The following SYT1 variants were observed in gnomAD, a reference collection of about 807,000 sequenced individuals.
SYT1 encodes the protein synaptotagmin-1.
A neutral mutation model predicts 44.8 loss-of-function variants in SYT1; 8 were observed. The observed-to-expected ratio is 0.18, with a 90% CI of 0.10 to 0.32. SYT1 has a LOEUF of 0.32. SYT1 is among the 10% of genes least tolerant of loss of function. The pLI, the probability that SYT1 is intolerant of heterozygous loss-of-function variation, is 1.00. For synonymous variants in SYT1, 154 were observed against 188.8 expected (o/e 0.82, Z 1.51); for missense variants, 286 against 509.3 (o/e 0.56, Z 4.22).
chr12:78,871,770 G>A (rs1050444470), intron 1 of SYT1, among the ~76,000 whole-genome samples: 7 of 151,702 alleles, frequency 4.6e-5, no homozygotes, highest in Admixed American at 6.6e-5. Context: ...AGTTTACAAG[G>A]CTGGCTTTCT....
In SYT1 at chr12:79,173,006, AG is replaced by A. The variant is rs748815857; in HGVS notation, c.-17-44494del. ...AAAAAAAAAAAAAAAAAAAAAAAAA[AG>A]GGAGTTTGGCCTGTCCAGAAATAAA... On this transcript the variant is annotated intron_variant, in intron 3 of 10. Coordinates refer to ENST00000261205, the MANE Select transcript of SYT1 (RefSeq NM_005639.3). Among the ~76,000 whole-genome samples the A allele has an allele frequency of 4.3e-4, 59 of 137,418 alleles. 3 individuals carry two copies. Among genetic ancestry groups the A allele is most frequent in the African/African-American group, 1.5e-3 (51 of 33,114 alleles). The allele number at this position is 137,418 out of a possible 152,430, so 90.2% of individuals were successfully genotyped here.
In SYT1 at chr12:79,451,292, T is replaced by C. The variant is rs1871045778; in HGVS notation, c.*2168T>C. The C allele has an allele frequency of 6.6e-6, 1 of 152,064 alleles. No individual in the cohort carries two copies. Among genetic ancestry groups the C allele is most frequent in the Non-Finnish European group, 1.5e-5 (1 of 67,998 alleles). The allele number at this position is 152,064 out of a possible 1,614,324, so 9.4% of individuals were successfully genotyped here. A position where few individuals can be genotyped will look rare whatever the true frequency, so the allele number is the denominator to read the frequency against. On this transcript the variant is annotated 3_prime_UTR_variant, in exon 11 of 11. Transcript: ENST00000261205. ...CTTAAAAAACATAGGTAATAGAAAA[T>C]ATACACAAGTCAGAATGTGAAATTA... is the stretch of plus-strand genomic sequence containing the variant.
chr12:79,039,654 G>C (rs980457801), intron 2 of SYT1, among the ~76,000 whole-genome samples: 13 of 146,948 alleles, frequency 8.8e-5, no homozygotes, highest in African/African-American at 3.3e-4. Context: ...TAAGTTTTAG[G>C]GTACATGTGC....
intron 3 of SYT1, among the ~76,000 whole-genome samples, chr12:79,100,836 T>G (rs542076309): frequency 6.6e-6 from 1 of 152,224 alleles, no homozygotes; most frequent in South Asian, 2.1e-4. Flanking sequence ...ATAATAACTG[T>G]TTTTTAAAAA....
chr12:79,380,123 G>T (rs2136069985), intron 9 of SYT1, among the ~76,000 whole-genome samples: 1 of 152,222 alleles, frequency 6.6e-6, no homozygotes, highest in African/African-American at 2.4e-5. Context: ...ATTAACCAGA[G>T]ATTTTAAAGC....
At chr12:79,064,556 T>G (rs1040303973) in intron 3 of SYT1, among the ~76,000 whole-genome samples, 6 of 152,090 alleles carry the variant, frequency 3.9e-5, no homozygotes, top group African/African-American at 1.4e-4. Flanking sequence ...GCTTACTCCT[T>G]AGCTAATGAA....
At chr12:79,341,588 G>A (rs550853029) in intron 8 of SYT1, among the ~76,000 whole-genome samples, 13 of 151,676 alleles carry the variant, frequency 8.6e-5, no homozygotes, top group South Asian at 2.1e-4. Flanking sequence ...GAAGAAGAGC[G>A]TGGACTTTTG....
intron 1 of SYT1, among the ~76,000 whole-genome samples, chr12:78,931,238 A>AGGAAGGAAGGAAGGAAG (rs1187572734): frequency 2.4e-5 from 1 of 41,120 alleles, no homozygotes; most frequent in African/African-American, 1.1e-4. Context: ...AAAGAAAGAA[A>AGGAAGGAAGGAAGGAAG]GAAGGAAGGA....
chr12:79,143,376 T>C (rs2138223900), intron 3 of SYT1, among the ~76,000 whole-genome samples: 1 of 152,350 alleles, frequency 6.6e-6, no homozygotes, highest in African/African-American at 2.4e-5. Context: ...CTGGTAACTT[T>C]CACTGGTTTA....
chr12:79,140,348 G>T (rs574115486), intron 3 of SYT1, among the ~76,000 whole-genome samples: 39 of 152,020 alleles, frequency 2.6e-4, no homozygotes, highest in Non-Finnish European at 4.7e-4. Flanking sequence ...CTGCGTATCT[G>T]CCTTTAGAAT....
chr12:79,278,947 C>G (rs919188776), intron 4 of SYT1, among the ~76,000 whole-genome samples: 2 of 150,872 alleles, frequency 1.3e-5, no homozygotes, highest in African/African-American at 4.9e-5. Context: ...CCCCCCAAGC[C>G]TGAATCAGGA....
chr12:79,426,228 GAAGGCA>G (rs1869441029), intron 9 of SYT1, among the ~76,000 whole-genome samples: 1 of 152,102 alleles, frequency 6.6e-6, no homozygotes, highest in African/African-American at 2.4e-5. Context: ...AATGGATTTG[GAAGGCA>G]AATCATGAGC....
intron 10 of SYT1, 87 bp downstream of exon 10, chr12:79,444,293 G>A: frequency 2.7e-6 from 4 of 1,475,964 alleles, no homozygotes; most frequent in Non-Finnish European, 3.7e-6. Flanking sequence ...TAAGTTATCA[G>A]TGCACATGCC....
At chr12:79,083,128 A>G (rs1877148712) in intron 3 of SYT1, among the ~76,000 whole-genome samples, 1 of 152,176 alleles carries the variant, frequency 6.6e-6, no homozygotes, top group African/African-American at 2.4e-5. Context: ...AGATAACATC[A>G]GATATTTCAT....
chr12:79,360,738 A>G (rs1445772767), intron 9 of SYT1, among the ~76,000 whole-genome samples: 2 of 152,246 alleles, frequency 1.3e-5, no homozygotes, highest in Non-Finnish European at 2.9e-5. Flanking sequence ...TATAATATCA[A>G]TTCTGGGATA....
intron 8 of SYT1, among the ~76,000 whole-genome samples, chr12:79,336,229 C>T (rs1193832873): frequency 6.6e-6 from 1 of 152,138 alleles, no homozygotes; most frequent in East Asian, 1.9e-4. Flanking sequence ...AATTAGGGTC[C>T]TGCCACATAG....
chr12:79,352,338 C>T (rs1444983485), intron 8 of SYT1, among the ~76,000 whole-genome samples: 2 of 152,076 alleles, frequency 1.3e-5, no homozygotes, highest in African/African-American at 2.4e-5. Flanking sequence ...AAGGGTATTA[C>T]TTGAAAGTGC....
At chr12:78,921,857 A>G (rs1189064659) in intron 1 of SYT1, among the ~76,000 whole-genome samples, 1 of 151,930 alleles carries the variant, frequency 6.6e-6, no homozygotes, top group East Asian at 1.9e-4. Context: ...GATGATGAGG[A>G]TGAGGTGATT....
intron 1 of SYT1, among the ~76,000 whole-genome samples, chr12:78,941,394 TACACACACACACAC>T (rs71441941): frequency 1.0e-4 from 15 of 143,812 alleles, no homozygotes; most frequent in African/African-American, 3.7e-4. Flanking sequence ...TAATAGAATC[TACACACACACACAC>T]ACACACACAC....
Sources: allele counts gnomAD v4.1 joint callset (sites outside exome capture counted in the v4.1 genomes callset), GRCh38; gene constraint gnomAD v4.1.1; transcripts MANE v1.5; gene names NCBI Gene and HGNC (gene_info 2026-07-23, HGNC 2026-07-21).